TTLL12: variants seen among roughly 807,000 people sequenced by gnomAD.
TTLL12 encodes tubulin--tyrosine ligase-like protein 12.
Under a neutral mutation model 79.6 loss-of-function variants are expected in TTLL12, and 77 were observed. The ratio of observed to expected loss-of-function variants is 0.97; its 90% CI spans 0.81 to 1.17. TTLL12 has a LOEUF of 1.17. Among genes scored for constraint, TTLL12 ranks in the 50% most tolerant of loss-of-function variants. The probability of loss-of-function intolerance (pLI) is 0.00; values close to 1 mark genes in which losing one functional copy is unlikely to be tolerated. For missense variants in TTLL12, 969 were observed against 895.9 expected (o/e 1.08, Z -1.04); for synonymous variants, 437 against 376.1 (o/e 1.16, Z -1.87).
At chr22:43,175,191 A>C (rs1476616944) in intron 6 of TTLL12, 1 of 152,386 alleles carries the variant, frequency 6.6e-6, no homozygotes, top group East Asian at 1.9e-4. Context: ...TTGGGCAGCC[A>C]AGGGGAGTGT....
intron 11 of TTLL12, chr22:43,170,103 A>G (rs1931726593): frequency 8.4e-6 from 3 of 356,492 alleles, no homozygotes; most frequent in Non-Finnish European, 1.7e-5. Flanking sequence ...TTTCTCCCAG[A>G]AAAGAACAAG....
intron 1 of TTLL12, among the ~76,000 whole-genome samples, chr22:43,183,735 G>A (rs1249060959): frequency 3.3e-5 from 5 of 152,248 alleles, no homozygotes; most frequent in African/African-American, 7.2e-5. Flanking sequence ...TGCCTTGTGC[G>A]GCTAGTCAAG....
At chr22:43,168,559 C>T (rs1198192901) in intron 13 of TTLL12, among the ~76,000 whole-genome samples, 1 of 152,300 alleles carries the variant, frequency 6.6e-6, no homozygotes, top group African/African-American at 2.4e-5. Flanking sequence ...GTGAGCTCTC[C>T]CCCGACTCAG....
intron 5 of TTLL12, 119 bp downstream of exon 5, chr22:43,179,500 C>T: frequency 7.3e-7 from 1 of 1,369,094 alleles, no homozygotes; most frequent in South Asian, 1.6e-5. Context: ...CTATGCCTCC[C>T]ACGGTAACTG....
In TTLL12 at chr22:43,185,981, G is replaced by A. The variant is rs1343831153; in HGVS notation, c.177+912C>T. ...ACTCACTGCACGTTTCCAGCAGGAA[G>A]GTTCCTAGTCCAATCAGGATTACAC... is the stretch of plus-strand genomic sequence containing the variant. On this transcript the variant is annotated intron_variant, in intron 1 of 13. Transcript: ENST00000216129. 5 of 985,352 alleles carry A rather than the reference G, an allele frequency of 5.1e-6. No homozygotes were observed. In the African/African-American group the frequency reaches 8.7e-5, roughly 17 times the overall value. The allele number at this position is 985,352 out of a possible 1,614,324, so 61.0% of individuals were successfully genotyped here. A position where few individuals can be genotyped will look rare whatever the true frequency, so the allele number is the denominator to read the frequency against.
chr22:43,186,971 C>T lies in TTLL12; in HGVS notation c.99G>A (p.Ala33=), dbSNP rs973585198. The T allele has an allele frequency of 2.3e-6, 3 of 1,318,774 alleles. No homozygotes were observed. Among genetic ancestry groups the T allele is most frequent in the South Asian group, 1.9e-5 (1 of 52,474 alleles). The allele number at this position is 1,318,774 out of a possible 1,614,324, so 81.7% of individuals were successfully genotyped here. ...EGAQALAEFA[A]LHGPALRASG... ...AAGCGCGCAGCGCCGGGCCGTGCAGCGCCGCGAACTCGGCCAAGGCCTGCG... is the reference window on the plus strand; with the variant it reads ...AAGCGCGCAGCGCCGGGCCGTGCAGTGCCGCGAACTCGGCCAAGGCCTGCG... The change falls in exon 1 of 14, where the codon GCG becomes GCA. Residue 33 remains alanine, a synonymous_variant. Transcript: ENST00000216129.
intron 10 of TTLL12, 56 bp from the exon 11 acceptor site, chr22:43,171,956 G>A (rs1427064417): frequency 1.3e-6 from 2 of 1,488,822 alleles, no homozygotes; most frequent in African/African-American, 1.4e-5. Context: ...GTCCCTGCGA[G>A]GGAGGTGCCA....
chr22:43,186,797 C>T (rs1304507462), intron 1 of TTLL12, 96 bp downstream of exon 1: 4 of 1,169,500 alleles, frequency 3.4e-6, no homozygotes, highest in Non-Finnish European at 4.3e-6. Flanking sequence ...CACCGCGGCT[C>T]CCGCCGCCCG....
rs748541589 is a variant in TTLL12, at chr22:43,174,263, T to C, written c.1175A>G (p.Asn392Ser). 6.2e-6 allele frequency: 10 copies of C among 1,610,050 alleles called. No homozygotes were observed. Among genetic ancestry groups the C allele is most frequent in the Admixed American group, 1.7e-5 (1 of 59,988 alleles). ...AAACTGGGGCAGCTCAGTGCGCAGG[T>C]TGAAGGTTCGGGGCAGCCAGGGTGG... ...EGPPWLPRTF[N>S]LRTELPQFVS... The change falls in exon 8 of 14, where the codon AAC becomes AGC. Residue 392 changes from asparagine to serine, a missense_variant. Transcript: ENST00000216129.
chr22:43,168,631 G>T, intron 13 of TTLL12, 143 bp downstream of exon 13: 1 of 1,239,342 alleles, frequency 8.1e-7, no homozygotes, highest in Non-Finnish European at 1.1e-6. Flanking sequence ...TGTGGGCCAA[G>T]CCAGGGCTTT....
chr22:43,179,818 G>C, intron 4 of TTLL12, 23 bp downstream of exon 4: 1 of 1,560,464 alleles, frequency 6.4e-7, no homozygotes, highest in Admixed American at 1.8e-5. Context: ...CCCTCCTCCA[G>C]GGCGGGCAGG....
rs778863283 is a variant in TTLL12 at position 43,168,165 on chromosome 22, G to A, written c.1784-6C>T. ...CGGCTGCATCACCCGCCTTCCTGAT[G>A]GCAAAGAGCGCAGCAGAGTGTGAAG... On this transcript the variant is annotated splice_region_variant and splice_polypyrimidine_tract_variant and intron_variant, in intron 13 of 13. Coordinates refer to ENST00000216129, the MANE Select transcript of TTLL12 (RefSeq NM_015140.4). The A allele has an allele frequency of 1.9e-6, 3 of 1,613,716 alleles. No homozygotes were observed. The highest frequency in any genetic ancestry group is 2.5e-6 in the Non-Finnish European group (3 of 1,179,838).
At position 43,174,608 on chromosome 22, in the gene TTLL12, T is replaced by G; in HGVS notation, c.925A>C (p.Thr309Pro). The G allele has an allele frequency of 6.2e-7, 1 of 1,607,472 alleles. No homozygotes were observed. Among genetic ancestry groups the G allele is most frequent in the Non-Finnish European group, 8.5e-7 (1 of 1,176,624 alleles). Residue 309 changes from threonine (T) to proline (P), a missense_variant, in exon 7 of 14, where the codon ACG (threonine) becomes CCG (proline). Physicochemically the swap from Thr to Pro is conservative, Grantham distance 38. Coordinates refer to ENST00000216129, the MANE Select transcript of TTLL12 (RefSeq NM_015140.4). The stretch of plus-strand genomic sequence containing the variant: ...CTGCTGGCCACCTGCTGCACGTCCG[T>G]GTAGACCCTGTGGGGAGAGCCCGAG... ...HPHGHIFKVY[T>P]DVQQVASSLT...
chr22:43,183,762 T>C (rs780933724), intron 1 of TTLL12, among the ~76,000 whole-genome samples: 1 of 152,236 alleles, frequency 6.6e-6, no homozygotes, highest in African/African-American at 2.4e-5. Context: ...AGTGACCTCT[T>C]CTGGTGTGTG....
intron 11 of TTLL12, 130 bp downstream of exon 11, chr22:43,171,689 C>G: frequency 1.5e-6 from 1 of 682,322 alleles, no homozygotes; most frequent in Non-Finnish European, 2.5e-6. Flanking sequence ...CCTTCCATAG[C>G]AGGAACTCAG....
intron 1 of TTLL12, 97 bp from the exon 2 acceptor site, chr22:43,183,246 G>A (rs988511647): frequency 2.7e-6 from 4 of 1,473,510 alleles, no homozygotes; most frequent in Non-Finnish European, 3.7e-6. Context: ...CCACACCCAG[G>A]CCTCAAGGAC....
At position 43,171,851 on chromosome 22, in the gene TTLL12, T is replaced by C; in HGVS notation, c.1543A>G (p.Met515Val). ...LDDYEKHFTV[M>V]NYDPDVVLKQ... is the part of the protein sequence containing the mutation. Reference sequence around the variant, plus strand: ...AGCACCACATCCGGGTCATAGTTCATGACCGTGAAGTGCTTCTCGTAGTCA... The same window carrying C: ...AGCACCACATCCGGGTCATAGTTCACGACCGTGAAGTGCTTCTCGTAGTCA... The change falls in exon 11 of 14, where the codon ATG (methionine) becomes GTG (valine). Residue 515 changes from methionine (M) to valine (V), a missense_variant. Coordinates refer to ENST00000216129, the MANE Select transcript of TTLL12 (RefSeq NM_015140.4). The C allele has an allele frequency of 6.2e-7, 1 of 1,614,188 alleles. No individual in the cohort carries two copies. The highest frequency in any genetic ancestry group is 8.5e-7 in the Non-Finnish European group (1 of 1,180,014).
At chr22:43,168,712 G>A (rs1388658862) in intron 13 of TTLL12, 62 bp downstream of exon 13, 2 of 1,539,614 alleles carry the variant, frequency 1.3e-6, no homozygotes, top group Admixed American at 3.9e-5. Flanking sequence ...TCTCCAGGCT[G>A]TGGCTGGCTG....
intron 5 of TTLL12, among the ~76,000 whole-genome samples, chr22:43,178,383 G>A (rs1436711009): frequency 1.3e-5 from 2 of 150,888 alleles, no homozygotes; most frequent in African/African-American, 4.9e-5. Flanking sequence ...GTGCAGTGGC[G>A]CGATCTCGGC....
Sources: gnomAD v4.1 joint callset for allele counts (sites outside exome capture counted in the v4.1 genomes callset) on GRCh38, gnomAD v4.1.1 for gene constraint, MANE v1.5 for transcripts, NCBI Gene and HGNC (gene_info 2026-07-23, HGNC 2026-07-21) for gene names.